The following TLE1 variants were observed in gnomAD, a reference collection of about 807,000 sequenced individuals.
The protein encoded by TLE1 is TLE family member 1, transcriptional corepressor.
TLE1 carries 21 observed loss-of-function variants against 89.8 expected under a neutral mutation model. The ratio of observed to expected loss-of-function variants is 0.23; its 90% CI spans 0.17 to 0.34. The LOEUF is 0.34. Among genes scored for constraint, TLE1 ranks in the 10% least tolerant of loss-of-function variants. TLE1 has a pLI of 1.00. For missense variants in TLE1, 795 were observed against 1,031.2 expected (o/e 0.77, Z 3.14); for synonymous variants, 447 against 407.6 (o/e 1.10, Z -1.16).
At chr9:81,609,428 A>G (rs1823422203) in intron 14 of TLE1, among the ~76,000 whole-genome samples, 1 of 152,230 alleles carries the variant, frequency 6.6e-6, no homozygotes, top group African/African-American at 2.4e-5. Context: ...TTTGCTGCTA[A>G]GCAAAACAGA....
At chr9:81,606,778 A>T (rs546028757) in intron 14 of TLE1, among the ~76,000 whole-genome samples, 1 of 150,840 alleles carries the variant, frequency 6.6e-6, no homozygotes, top group African/African-American at 2.4e-5. Flanking sequence ...AGTATAATTA[A>T]AAAAAAAACC....
chr9:81,602,080 GGCTTCATGA>G (rs879695467), intron 14 of TLE1, among the ~76,000 whole-genome samples: 1 of 152,160 alleles, frequency 6.6e-6, no homozygotes, highest in African/African-American at 2.4e-5. Context: ...CATCCATGAA[GGCTTCATGA>G]AGGAGGTAGC....
intron 14 of TLE1, among the ~76,000 whole-genome samples, chr9:81,599,578 A>T (rs1830653279): frequency 6.6e-6 from 1 of 152,208 alleles, no homozygotes; most frequent in Admixed American, 6.5e-5. Flanking sequence ...CATGGGGCTC[A>T]TAAGAAAATC....
chr9:81,633,442 G>GA, intron 7 of TLE1, 78 bp from the exon 8 acceptor site: 1 of 1,607,478 alleles, frequency 6.2e-7, no homozygotes, highest in South Asian at 1.1e-5. Flanking sequence ...AAAAAAAGGG[G>GA]GGAATAATTA....
chr9:81,605,785 A>G (rs815853), intron 14 of TLE1, among the ~76,000 whole-genome samples: 34,153 of 151,620 alleles, frequency 0.23, 4,296 homozygotes, highest in Middle Eastern at 0.29. Flanking sequence ...TAATTAAACT[A>G]AAGAGTTTCT....
chr9:81,683,351 G>A (rs1016981100), intron 4 of TLE1, among the ~76,000 whole-genome samples: 1 of 151,700 alleles, frequency 6.6e-6, no homozygotes, highest in South Asian at 2.1e-4. Context: ...CAGGAGTCTC[G>A]CTAATGCCCA....
Position 81,653,995 on chromosome 9 carries a change from G to A in TLE1, c.276C>T (p.Val92=). Residue 92 remains valine (V), a synonymous_variant, in exon 5 of 20, where the codon GTC becomes GTT. Coordinates refer to ENST00000376499, the MANE Select transcript of TLE1 (RefSeq NM_005077.5). ...TTACTTCCTGAGACAGAAATGGGATGACTTGTGCACAAATCGTATTCAATC... is the reference window on the plus strand; with the variant it reads ...TTACTTCCTGAGACAGAAATGGGATAACTTGTGCACAAATCGTATTCAATC... ...AKRLNTICAQ[V]IPFLSQEHQQ... 1 of 1,613,958 alleles carries A rather than the reference G, an allele frequency of 6.2e-7. No homozygotes were observed. Among genetic ancestry groups the A allele is most frequent in the Non-Finnish European group, 8.5e-7 (1 of 1,179,948 alleles).
intron 6 of TLE1, among the ~76,000 whole-genome samples, chr9:81,649,958 C>T (rs574769440): frequency 8.5e-5 from 13 of 152,230 alleles, no homozygotes; most frequent in Admixed American, 7.9e-4. Flanking sequence ...AAAGAGCCTT[C>T]GGACATAAAT....
intron 8 of TLE1, among the ~76,000 whole-genome samples, chr9:81,625,299 T>C (rs1388131340): frequency 1.3e-5 from 2 of 152,186 alleles, no homozygotes; most frequent in African/African-American, 2.4e-5. Context: ...CTTGCACTAA[T>C]AGGATGACAG....
chr9:81,614,844 T>C (rs2132101936), intron 11 of TLE1, among the ~76,000 whole-genome samples: 1 of 151,300 alleles, frequency 6.6e-6, no homozygotes, highest in South Asian at 2.1e-4. Flanking sequence ...TGCCCCGATA[T>C]TAAGGATCAG....
At chr9:81,671,692 G>C (rs918823470) in intron 4 of TLE1, among the ~76,000 whole-genome samples, 1 of 151,680 alleles carries the variant, frequency 6.6e-6, no homozygotes, top group Non-Finnish European at 1.5e-5. Flanking sequence ...AATCCAGTCA[G>C]TATTTGAAAC....
At chr9:81,586,688 C>A (rs1828516373) in intron 17 of TLE1, among the ~76,000 whole-genome samples, 2 of 151,982 alleles carry the variant, frequency 1.3e-5, no homozygotes, top group South Asian at 2.1e-4. Context: ...TCAAGCTGAG[C>A]GATGGGCATG....
At chr9:81,603,304 G>GT (rs1831192703) in intron 14 of TLE1, among the ~76,000 whole-genome samples, 1 of 152,130 alleles carries the variant, frequency 6.6e-6, no homozygotes, top group Non-Finnish European at 1.5e-5. Context: ...CTTGGATTTT[G>GT]TGATTATTTA....
At chr9:81,600,645 A>C (rs1039538003) in intron 14 of TLE1, among the ~76,000 whole-genome samples, 11 of 141,790 alleles carry the variant, frequency 7.8e-5, no homozygotes, top group Non-Finnish European at 1.2e-4. Context: ...AAAAAAAAAA[A>C]CCTACCCAAA....
intron 14 of TLE1, among the ~76,000 whole-genome samples, chr9:81,604,380 C>T (rs1035863125): frequency 6.6e-6 from 1 of 152,082 alleles, no homozygotes; most frequent in African/African-American, 2.4e-5. Flanking sequence ...AGGGCTGAAG[C>T]GACAGACAAA....
intron 4 of TLE1, among the ~76,000 whole-genome samples, chr9:81,681,052 A>C (rs1054629813): frequency 6.6e-6 from 1 of 152,166 alleles, no homozygotes; most frequent in African/African-American, 2.4e-5. Context: ...TTAAAAACCC[A>C]CTAAAGAACA....
intron 8 of TLE1, chr9:81,620,971 T>A (rs1825171664): frequency 2.1e-6 from 1 of 481,922 alleles, no homozygotes; most frequent in Admixed American, 2.3e-5. Context: ...AGTCAATGTG[T>A]ACCACTCTAA....
chr9:81,607,077 G>GGAGAGA (rs750071611), intron 14 of TLE1, among the ~76,000 whole-genome samples: 5 of 136,256 alleles, frequency 3.7e-5, no homozygotes, highest in Non-Finnish European at 7.8e-5. Flanking sequence ...AAAAAAAAAT[G>GGAGAGA]GAGAGAGAGA....
chr9:81,585,255 C>G lies in TLE1; in HGVS notation c.2128+250G>C, dbSNP rs112521268. ...TAGAAACTCATTGTCGTCTCCCAAC[C>G]CCTCCAAAACAAACTTGTGTCCAAA... is the stretch of plus-strand genomic sequence containing the variant. On this transcript the variant is annotated intron_variant, in intron 18 of 19. Transcript: ENST00000376499. Among the ~76,000 whole-genome samples, 365 of 152,270 alleles carry G rather than the reference C, an allele frequency of 2.4e-3. 2 individuals are homozygous for G. Among genetic ancestry groups the G allele is most frequent in the Middle Eastern group, 0.02 (6 of 294 alleles).
Sources: allele counts gnomAD v4.1 joint callset (sites outside exome capture counted in the v4.1 genomes callset), GRCh38; gene constraint gnomAD v4.1.1; transcripts MANE v1.5; gene names NCBI Gene and HGNC (gene_info 2026-07-23, HGNC 2026-07-21).